Variants in ALLC observed in about 807,000 individuals in gnomAD.
ALLC encodes the protein allantoicase.
A neutral mutation model predicts 45.0 loss-of-function variants in ALLC; 40 were observed. That is an observed-to-expected ratio of 0.89 (90% CI 0.69 to 1.16). The LOEUF is 1.16. Among genes scored for constraint, ALLC ranks in the 50% most tolerant of loss-of-function variants. The pLI is 0.00. For missense variants in ALLC, 488 were observed against 493.1 expected, an observed-to-expected ratio of 0.99 and a Z score of 0.10; for synonymous variants, 176 against 178.1, an observed-to-expected ratio of 0.99 and a Z score of 0.09.
At chr2:3,673,290 C>A (rs895522780) in intron 2 of ALLC, among the ~76,000 whole-genome samples, 1 of 152,222 alleles carries the variant, frequency 6.6e-6, no homozygotes, top group Non-Finnish European at 1.5e-5. Flanking sequence ...CCCTGTGAAG[C>A]CTTCTGCTGA....
the ALLC span, among the ~76,000 whole-genome samples, chr2:3,645,907 G>A: frequency 6.6e-6 from 1 of 152,182 alleles, no homozygotes; most frequent in Non-Finnish European, 1.5e-5. This position sits in a 1 kb window ranked among gnomAD's most constrained non-coding sequence, Gnocchi z 4.3. Context: ...CCAGGGGTGG[G>A]TGTATTTGTG....
intron 6 of ALLC, 71 bp from the exon 7 acceptor site, chr2:3,682,871 A>G: frequency 6.6e-7 from 1 of 1,512,372 alleles, no homozygotes; most frequent in Non-Finnish European, 9.1e-7. Flanking sequence ...CTTAAGTGCC[A>G]CAGAGGCAAT....
Position 3,680,081 on chromosome 2 carries a change from C to T in ALLC, c.298+87C>T. 6.4e-7 allele frequency: 1 copy of T among 1,570,558 alleles called. No individual in the cohort carries two copies. The highest frequency in any genetic ancestry group is 8.7e-7 in the Non-Finnish European group (1 of 1,148,258). On this transcript the variant is annotated intron_variant, in intron 5 of 11. Transcript: ENST00000252505. This position sits in a 1 kb window ranked among gnomAD's most constrained non-coding sequence, Gnocchi z 4.0. ...CCACAGCCCCACAACTGCTCACTTT[C>T]CCTACCACCCAGACAGCTTCAGGCG...
chr2:3,677,275 A>G (rs927841791), intron 3 of ALLC, among the ~76,000 whole-genome samples: 6 of 151,710 alleles, frequency 4.0e-5, no homozygotes, highest in African/African-American at 1.2e-4. Flanking sequence ...CAATCAACCT[A>G]CCCCCAAAAC....
At chr2:3,651,444 AG>A in the ALLC span, among the ~76,000 whole-genome samples, 3 of 18,162 alleles carry the variant, frequency 1.7e-4, 1 homozygote, top group African/African-American at 3.9e-4. Flanking sequence ...TGTGTGTGTT[AG>A]GAAGGGAGAC....
chr2:3,691,397 G>A (rs1166535161), intron 7 of ALLC, among the ~76,000 whole-genome samples: 1 of 151,748 alleles, frequency 6.6e-6, no homozygotes, highest in Non-Finnish European at 1.5e-5. Context: ...GGGACCACTG[G>A]TGCACACCAC....
At chr2:3,646,056 C>T in the ALLC span, among the ~76,000 whole-genome samples, 4 of 152,126 alleles carry the variant, frequency 2.6e-5, no homozygotes, top group East Asian at 1.9e-4. Flanking sequence ...CAGGTTTGCC[C>T]GCAGCCTTGG....
intron 7 of ALLC, chr2:3,688,619 G>T: frequency 5.1e-6 from 1 of 194,234 alleles, no homozygotes. Flanking sequence ...AGCAGAGGGG[G>T]CAGAGATGGT....
At chr2:3,647,674 C>T in the ALLC span, among the ~76,000 whole-genome samples, 274 of 150,974 alleles carry the variant, frequency 1.8e-3, no homozygotes, top group African/African-American at 6.5e-3. Context: ...CCCGTCCTCT[C>T]CTGATGCCCC....
At chr2:3,676,305 T>G (rs953094853) in intron 3 of ALLC, among the ~76,000 whole-genome samples, 2 of 152,246 alleles carry the variant, frequency 1.3e-5, no homozygotes, top group Admixed American at 6.5e-5. Flanking sequence ...TGGGGCAGGA[T>G]CTCGCTGTGA....
Position 3,695,887 on chromosome 2 carries a change from T to C in ALLC, c.667+15T>C, listed in dbSNP as rs778166622. 3.8e-6 allele frequency: 6 copies of C among 1,591,562 alleles called. No individual in the cohort carries two copies. In the East Asian group the frequency reaches 6.7e-5, roughly 18 times the overall value. On this transcript the variant is annotated intron_variant, in intron 8 of 11. Transcript: ENST00000252505. ...CAATATAATAGGTAAGATGATATTC[T>C]TGGAGCTGGCTTATTTAGGAAGTCT... is the stretch of plus-strand genomic sequence containing the variant.
chr2:3,673,073 A>G (rs1666935881), intron 2 of ALLC, among the ~76,000 whole-genome samples: 1 of 151,808 alleles, frequency 6.6e-6, no homozygotes, highest in East Asian at 1.9e-4. Context: ...AGGGGTGGGG[A>G]TGGGCCAGCT....
At chr2:3,664,838 C>G (rs146242716) in intron 1 of ALLC, among the ~76,000 whole-genome samples, 2 of 151,118 alleles carry the variant, frequency 1.3e-5, no homozygotes, top group Non-Finnish European at 2.9e-5. Context: ...GAGCTATGAT[C>G]GTGCCACTGC....
At chr2:3,672,843 A>G (rs1241356058) in intron 2 of ALLC, among the ~76,000 whole-genome samples, 1 of 152,232 alleles carries the variant, frequency 6.6e-6, no homozygotes, top group East Asian at 1.9e-4. Flanking sequence ...CACCTGGAGA[A>G]CTCATTAAAC....
chr2:3,648,692 A>G, the ALLC span, among the ~76,000 whole-genome samples: 3 of 152,156 alleles, frequency 2.0e-5, no homozygotes, highest in South Asian at 6.2e-4. Context: ...TAGGCTGTCC[A>G]CTGCCCCCCA....
the ALLC span, among the ~76,000 whole-genome samples, chr2:3,649,278 A>G: frequency 9.6e-5 from 14 of 146,552 alleles, no homozygotes; most frequent in East Asian, 2.2e-3. Flanking sequence ...GTCTCGCTCT[A>G]TTGCCCAGGC....
chr2:3,663,036 G>A (rs1248054324), intron 1 of ALLC, among the ~76,000 whole-genome samples: 2 of 152,162 alleles, frequency 1.3e-5, no homozygotes, highest in East Asian at 1.9e-4. Flanking sequence ...TGGTTTTAGC[G>A]GCAGAAATAC....
intron 7 of ALLC, among the ~76,000 whole-genome samples, chr2:3,683,898 T>C (rs1028866853): frequency 3.9e-5 from 6 of 152,172 alleles, no homozygotes; most frequent in Admixed American, 6.5e-5. Context: ...GTAAGTATAA[T>C]GCAAATATTT....
At chr2:3,673,736 T>C (rs1324302030) in intron 2 of ALLC, among the ~76,000 whole-genome samples, 4 of 152,220 alleles carry the variant, frequency 2.6e-5, no homozygotes, top group Non-Finnish European at 1.5e-5. Context: ...CAGAGCTTTT[T>C]TGGTCATTGC....
Sources: allele counts gnomAD v4.1 joint callset (sites outside exome capture counted in the v4.1 genomes callset), GRCh38; gene constraint gnomAD v4.1.1; non-coding constraint Gnocchi (gnomAD v3.1); transcripts MANE v1.5; gene names NCBI Gene and HGNC (gene_info 2026-07-23, HGNC 2026-07-21).